Variants in CRAT observed in about 807,000 individuals in gnomAD.
The protein encoded by CRAT is carnitine acetylase.
Under a neutral mutation model 73.7 loss-of-function variants are expected in CRAT, and 66 were observed. The ratio of observed to expected loss-of-function variants is 0.90; its 90% CI spans 0.73 to 1.10. The LOEUF (loss-of-function observed/expected upper bound fraction) is 1.10, where lower values mean the gene tolerates loss of function less well. Ranked by LOEUF, CRAT falls within the 50% of genes least tolerant of loss-of-function variation. CRAT has a pLI of 0.00. For missense variants in CRAT, 745 were observed against 846.9 expected (o/e 0.88, Z 1.49); for synonymous variants, 321 against 343.2 (o/e 0.94, Z 0.71).
At chr9:129,102,612 G>A (rs767891559) in intron 4 of CRAT, 47 bp from the exon 5 acceptor site, 32 of 1,605,362 alleles carry the variant, frequency 2.0e-5, no homozygotes, top group Admixed American at 1.5e-4. Flanking sequence ...AAGTGAATGG[G>A]GAGGAGGGCA....
rs3780690 is a variant in CRAT at position 129,103,719 on chromosome 9, G to A, written c.410+469C>T. On this transcript the variant is annotated intron_variant, in intron 3 of 13. Transcript: ENST00000318080. The surrounding 1 kb of genome is among the most constrained non-coding windows in gnomAD (Gnocchi z 4.6). ...AGAGAAGCAGGTGGTGGCAGCCAGT[G>A]GCTGGTCCTTGGGCAGGAGATCCTT... Among the ~76,000 whole-genome samples the A allele has an allele frequency of 0.033, 5,010 of 152,270 alleles. 266 individuals carry two copies. Among genetic ancestry groups the A allele is most frequent in the East Asian group, 0.27 (1,383 of 5,162 alleles).
intron 11 of CRAT, 139 bp downstream of exon 11, chr9:129,097,874 C>A (rs755383957): frequency 7.9e-6 from 10 of 1,257,886 alleles, no homozygotes; most frequent in Non-Finnish European, 1.1e-5. Context: ...GCTAGATTCA[C>A]GGCTCCAGCT....
chr9:129,110,572 C>T lies in CRAT; in HGVS notation c.-63G>A, dbSNP rs1848370053. ...CCCACACACCGGGCAAAGTCCGCGC[C>T]GCCGCCGCCGCGGCTGGGGTCGGTG... On this transcript the variant is annotated 5_prime_UTR_variant, in exon 1 of 14. Transcript: ENST00000318080. The surrounding 1 kb of genome is among the most constrained non-coding windows in gnomAD (Gnocchi z 5.3). 5 of 714,132 alleles carry T rather than the reference C, an allele frequency of 7.0e-6. No individual in the cohort carries two copies. The highest frequency in any genetic ancestry group is 5.8e-5 in the Admixed American group (1 of 17,212). The allele number at this position is 714,132 out of a possible 1,614,324, so 44.2% of individuals were successfully genotyped here. A position where few individuals can be genotyped will look rare whatever the true frequency, so the allele number is the denominator to read the frequency against.
chr9:129,102,107 G>A, intron 5 of CRAT, 50 bp from the exon 6 acceptor site: 2 of 1,575,622 alleles, frequency 1.3e-6, no homozygotes, highest in Non-Finnish European at 1.7e-6. Flanking sequence ...GGGACCTCAG[G>A]CTGAGAGCAG....
chr9:129,109,740 G>A (rs925573647), intron 1 of CRAT, among the ~76,000 whole-genome samples: 8 of 152,262 alleles, frequency 5.3e-5, no homozygotes, highest in Admixed American at 1.3e-4. Context: ...CTCTGGCCCC[G>A]TAGTGTGTGT....
In CRAT at chr9:129,101,988, C is replaced by G. The variant is rs780641174; in HGVS notation, c.700G>C (p.Glu234Gln). 18 of 1,614,102 alleles carry G rather than the reference C, an allele frequency of 1.1e-5. No homozygotes were observed. The highest frequency in any genetic ancestry group is 2.7e-5 in the African/African-American group (2 of 74,948). ...TGTAGGGATGAGTTCCAGATCTTCT[C>G]CAGCTGCACAAAGATCTGATCCGCA... Reference protein sequence around the residue: ...LTADQIFVQLEKIWNSSLQTN... With the variant: ...LTADQIFVQLQKIWNSSLQTN... Residue 234 changes from glutamate (E) to glutamine (Q), a missense_variant, in exon 6 of 14, where the codon GAG becomes CAG. By Grantham distance (29) the Glu-to-Gln change is conservative (BLOSUM62 2). Transcript: ENST00000318080.
chr9:129,100,817 C>T lies in CRAT; in HGVS notation c.806-128G>A, dbSNP rs528478219. 102 of 1,140,100 alleles carry T rather than the reference C, an allele frequency of 8.9e-5. 1 individual carries two copies. The South Asian group carries it at 1.5e-3, about 17-fold the overall frequency. 70.6% of individuals were successfully genotyped at this position (1,140,100 alleles called of 1,614,324 possible). The stretch of plus-strand genomic sequence containing the variant: ...TTTGTACCTCTCTGGGATGAGGAGA[C>T]CCCCCACCTCGCCGGCCCTCCAGGG... On this transcript the variant is annotated intron_variant, in intron 6 of 13. Coordinates refer to ENST00000318080, the MANE Select transcript of CRAT (RefSeq NM_000755.5).
chr9:129,096,034 G>A lies in CRAT; in HGVS notation c.1629C>T (p.Tyr543=), dbSNP rs754043590. 1.1e-5 allele frequency: 18 copies of A among 1,613,946 alleles called. No homozygotes were observed. The highest frequency in any genetic ancestry group is 1.1e-4 in the African/African-American group (8 of 74,942). ...SMPDIFMDTS[Y]AIAMHFHLST... ...AGAGGTGGAAGTGCATGGCGATGGC[G>A]TAGGAGGTGTCCATGAAGATGTCGG... Residue 543 remains tyrosine (Y), a synonymous_variant, in exon 13 of 14, where the codon TAC becomes TAT. Coordinates refer to ENST00000318080, the MANE Select transcript of CRAT (RefSeq NM_000755.5).
At chr9:129,096,850 C>T (rs1847308551) in intron 12 of CRAT, among the ~76,000 whole-genome samples, 1 of 152,136 alleles carries the variant, frequency 6.6e-6, no homozygotes, top group Admixed American at 6.6e-5. Flanking sequence ...GGGTGGATCA[C>T]CTGAGGTCAG....
chr9:129,102,698 A>C (rs962444214), intron 4 of CRAT, 133 bp from the exon 5 acceptor site: 4 of 1,070,780 alleles, frequency 3.7e-6, no homozygotes, highest in Non-Finnish European at 5.6e-6. Context: ...TGAGCAGGAC[A>C]CCTCAGGGCT....
intron 6 of CRAT, among the ~76,000 whole-genome samples, chr9:129,101,471 A>G (rs750776950): frequency 7.2e-5 from 11 of 152,214 alleles, no homozygotes; most frequent in Non-Finnish European, 1.6e-4. Context: ...CTCCTTTGAA[A>G]CACTGGGAAG....
At position 129,096,106 on chromosome 9, in the gene CRAT, G is replaced by A. The variant is rs567099132; in HGVS notation, c.1557C>T (p.His519=). Residue 519 remains histidine (H), a synonymous_variant, in exon 13 of 14, where the codon CAC becomes CAT. Transcript: ENST00000318080. The part of the protein sequence containing the change: ...RAIRGEAFDR[H]LLGLKLQAIE... ...TGGCCTGCAGCTTCAGGCCCAGCAG[G>A]TGTCGATCAAAGGCCTCCCCGCGGA... is the stretch of plus-strand genomic sequence containing the variant. 24 of 1,613,752 alleles carry A rather than the reference G, an allele frequency of 1.5e-5. No homozygotes were observed. In the South Asian group the frequency reaches 2.0e-4, roughly 13 times the overall value.
chr9:129,110,782 T>C lies in CRAT; in HGVS notation c.-273A>G. The C allele has an allele frequency of 7.4e-6, 2 of 270,246 alleles. No individual in the cohort carries two copies. Among genetic ancestry groups the C allele is most frequent in the East Asian group, 1.6e-4 (1 of 6,202 alleles). The allele number at this position is 270,246 out of a possible 1,614,324, so 16.7% of individuals were successfully genotyped here. A position where few individuals can be genotyped will look rare whatever the true frequency, so the allele number is the denominator to read the frequency against. ...GCAACGGTGCCCGGGAGGTTGGCTG[T>C]GGGGCGGGGACGGGGCATCGATGGG... On this transcript the variant is annotated 5_prime_UTR_variant, in exon 1 of 14. Coordinates refer to ENST00000318080, the MANE Select transcript of CRAT (RefSeq NM_000755.5). The surrounding 1 kb of genome is among the most constrained non-coding windows in gnomAD (Gnocchi z 5.3).
In CRAT at chr9:129,102,065, G is replaced by A. The variant is rs1847707500; in HGVS notation, c.631-8C>T. On this transcript the variant is annotated splice_region_variant and splice_polypyrimidine_tract_variant and intron_variant, in intron 5 of 13. Transcript: ENST00000318080. ...CACATCCAGCTCAAAAAACTGTTGG[G>A]GCACAGGCAGGTAAGAGGAGGGAGC... 1 of 1,612,890 alleles carries A rather than the reference G, an allele frequency of 6.2e-7. No individual in the cohort carries two copies. The highest frequency in any genetic ancestry group is 1.7e-5 in the Admixed American group (1 of 59,914).
At chr9:129,097,648 G>A (rs917558610) in intron 11 of CRAT, among the ~76,000 whole-genome samples, 3 of 151,942 alleles carry the variant, frequency 2.0e-5, no homozygotes, top group Non-Finnish European at 2.9e-5. Flanking sequence ...GGTGGAGGTT[G>A]CAGTGAGTCG....
intron 1 of CRAT, 63 bp from the exon 2 acceptor site, chr9:129,108,140 G>A (rs1477193522): frequency 4.7e-6 from 7 of 1,489,626 alleles, no homozygotes; most frequent in Non-Finnish European, 6.2e-6. Context: ...CAGCCCCAAA[G>A]CTGTAGTCCT....
intron 11 of CRAT, chr9:129,097,733 C>T (rs1330652852): frequency 4.8e-5 from 21 of 438,362 alleles, no homozygotes; most frequent in East Asian, 3.8e-4. Flanking sequence ...AAAAAAAGAG[C>T]GAGTATTGCA....
In CRAT at chr9:129,095,525, T is replaced by C. The variant is rs1258800311; in HGVS notation, c.1753A>G (p.Ile585Val). The C allele has an allele frequency of 4.3e-6, 7 of 1,613,498 alleles. No individual in the cohort carries two copies. The highest frequency in any genetic ancestry group is 5.9e-6 in the Non-Finnish European group (7 of 1,179,998). ...TTGTAGGCCGACAGGGAGAAGTTGA[T>C]GTGGGCCTCCATGGGGTTATAGCAG... ...GVCYNPMEAH[I>V]NFSLSAYNSC... Residue 585 changes from isoleucine to valine, a missense_variant, in exon 14 of 14, where the codon ATC becomes GTC. Ile to Val is a conservative substitution (Grantham distance 29). Transcript: ENST00000318080.
chr9:129,101,512 C>T (rs957285398), intron 6 of CRAT, among the ~76,000 whole-genome samples: 2 of 152,204 alleles, frequency 1.3e-5, no homozygotes, highest in African/African-American at 2.4e-5. Context: ...TAGTTAAGCC[C>T]GCTCCCACCA....
Sources: allele counts gnomAD v4.1 joint callset (sites outside exome capture counted in the v4.1 genomes callset), GRCh38; gene constraint gnomAD v4.1.1; non-coding constraint Gnocchi (gnomAD v3.1); transcripts MANE v1.5; gene names NCBI Gene and HGNC (gene_info 2026-07-23, HGNC 2026-07-21).